RAB3C: variants seen among roughly 807,000 people sequenced by gnomAD.
RAB3C encodes ras-related protein Rab-3C.
A neutral mutation model predicts 26.4 loss-of-function variants in RAB3C; 17 were observed. The observed-to-expected ratio is 0.64, with a 90% confidence interval of 0.44 to 0.97. RAB3C has a LOEUF of 0.97. RAB3C is among the 50% of genes least tolerant of loss of function. The probability of loss-of-function intolerance (pLI) is 0.00; values close to 1 mark genes in which losing one functional copy is unlikely to be tolerated. For missense variants in RAB3C, 242 were observed against 281.9 expected, an observed-to-expected ratio of 0.86 and a Z score of 1.01; for synonymous variants, 91 against 95.9, an observed-to-expected ratio of 0.95 and a Z score of 0.30.
At chr5:58,737,023 C>T (rs1444873404) in intron 3 of RAB3C, among the ~76,000 whole-genome samples, 1 of 152,096 alleles carries the variant, frequency 6.6e-6, no homozygotes, top group Non-Finnish European at 1.5e-5. Flanking sequence ...TGGATTAATG[C>T]CAAAGCCATT....
chr5:58,603,395 C>T (rs1445628939), intron 1 of RAB3C, among the ~76,000 whole-genome samples: 1 of 152,070 alleles, frequency 6.6e-6, no homozygotes, highest in Non-Finnish European at 1.5e-5. Flanking sequence ...CTCAATTATT[C>T]CCCCAAATAT....
intron 3 of RAB3C, among the ~76,000 whole-genome samples, chr5:58,760,014 CT>C (rs1255182188): frequency 6.6e-6 from 1 of 152,194 alleles, no homozygotes; most frequent in Non-Finnish European, 1.5e-5. Flanking sequence ...GCCAAGTGTT[CT>C]TTCCTTCCTC....
chr5:58,652,894 C>T (rs747734934), intron 2 of RAB3C, among the ~76,000 whole-genome samples: 5 of 151,944 alleles, frequency 3.3e-5, no homozygotes, highest in African/African-American at 1.2e-4. Flanking sequence ...TAGAAAAATT[C>T]GATAACTTTC....
intron 2 of RAB3C, among the ~76,000 whole-genome samples, chr5:58,709,239 ATGT>A (rs1405873814): frequency 6.6e-6 from 1 of 152,170 alleles, no homozygotes; most frequent in Non-Finnish European, 1.5e-5. Flanking sequence ...TTAATTTTAC[ATGT>A]TGTTGTCTTT....
At chr5:58,748,427 G>T (rs940403150) in intron 3 of RAB3C, among the ~76,000 whole-genome samples, 2 of 151,992 alleles carry the variant, frequency 1.3e-5, no homozygotes, top group Non-Finnish European at 2.9e-5. Context: ...CTGATTCATT[G>T]TGCATGCAGT....
chr5:58,727,006 C>T (rs1323572437), intron 3 of RAB3C, among the ~76,000 whole-genome samples: 1 of 151,918 alleles, frequency 6.6e-6, no homozygotes. Flanking sequence ...AAATGGAGTT[C>T]CCACTGGTGG....
chr5:58,794,625 T>C (rs1742602816), intron 3 of RAB3C: 1 of 152,204 alleles, frequency 6.6e-6, no homozygotes, highest in South Asian at 2.1e-4. Flanking sequence ...ATCACTGTTT[T>C]TAATTATTTA....
At chr5:58,590,263 A>AT (rs1429806492) in intron 1 of RAB3C, among the ~76,000 whole-genome samples, 1 of 152,178 alleles carries the variant, frequency 6.6e-6, no homozygotes, top group African/African-American at 2.4e-5. Flanking sequence ...TGTTAAAAAC[A>AT]TTTTTAATAC....
At chr5:58,851,033 C>A in intron 4 of RAB3C, 131 bp from the exon 5 acceptor site, 1 of 770,796 alleles carries the variant, frequency 1.3e-6, no homozygotes, top group Non-Finnish European at 2.0e-6. Flanking sequence ...CCTCTAATCT[C>A]TTACCTACCC....
At chr5:58,727,853 G>C (rs1019921147) in intron 3 of RAB3C, among the ~76,000 whole-genome samples, 2 of 151,976 alleles carry the variant, frequency 1.3e-5, no homozygotes, top group African/African-American at 4.8e-5. Context: ...AATGCCTGCT[G>C]AATTAATTAA....
chr5:58,749,635 A>G (rs777534858), intron 3 of RAB3C, among the ~76,000 whole-genome samples: 4 of 152,186 alleles, frequency 2.6e-5, no homozygotes, highest in Non-Finnish European at 5.9e-5. Context: ...CAATTTTTAA[A>G]TATTTGTACA....
At chr5:58,675,272 T>C (rs1437473410) in intron 2 of RAB3C, among the ~76,000 whole-genome samples, 1 of 152,128 alleles carries the variant, frequency 6.6e-6, no homozygotes, top group East Asian at 1.9e-4. Context: ...TGGCGTTGCA[T>C]ATATCTCTAA....
chr5:58,767,521 A>G (rs1741931036), intron 3 of RAB3C, among the ~76,000 whole-genome samples: 2 of 152,262 alleles, frequency 1.3e-5, no homozygotes, highest in South Asian at 4.1e-4. Flanking sequence ...AAGAGAAATA[A>G]TACTGTACCA....
At chr5:58,802,785 A>G (rs766322123) in intron 3 of RAB3C, among the ~76,000 whole-genome samples, 24 of 152,380 alleles carry the variant, frequency 1.6e-4, no homozygotes, top group Non-Finnish European at 2.8e-4. Context: ...AGACCCTACA[A>G]TACAAGGCTA....
chr5:58,652,700 G>GAA (rs36112651), intron 2 of RAB3C, among the ~76,000 whole-genome samples: 1 of 146,346 alleles, frequency 6.8e-6, no homozygotes. Context: ...CTTGATAAAG[G>GAA]AAAAAAAAAA....
At chr5:58,720,297 A>G (rs1740720844) in intron 2 of RAB3C, among the ~76,000 whole-genome samples, 1 of 151,946 alleles carries the variant, frequency 6.6e-6, no homozygotes, top group Non-Finnish European at 1.5e-5. Context: ...AAAATGTACA[A>G]ATATGGTTAG....
At position 58,816,383 on chromosome 5, in the gene RAB3C, G is replaced by C. The variant is rs75313006; in HGVS notation, c.372-8655G>C. ...AACAACCTGAGGAGAAAGGGAGCTG[G>C]GGTATCTATACTCCAACTTCTGTCA... On this transcript the variant is annotated intron_variant, in intron 3 of 4. Coordinates refer to ENST00000282878, the MANE Select transcript of RAB3C (RefSeq NM_138453.4). 8.5e-3 allele frequency among the ~76,000 whole-genome samples: 1,294 copies of C among 152,212 alleles called. 19 individuals are homozygous for C. The highest frequency in any genetic ancestry group is 0.029 in the African/African-American group (1,225 of 41,544).
intron 3 of RAB3C, among the ~76,000 whole-genome samples, chr5:58,810,043 C>T (rs1406235091): frequency 6.6e-6 from 1 of 152,162 alleles, no homozygotes; most frequent in East Asian, 1.9e-4. Context: ...TGTTCCTTGA[C>T]CCACAGGCTG....
chr5:58,838,409 A>G (rs1308060173), intron 4 of RAB3C, among the ~76,000 whole-genome samples: 1 of 150,136 alleles, frequency 6.7e-6, no homozygotes, highest in Non-Finnish European at 1.5e-5. Flanking sequence ...TGTTTCATTC[A>G]TCTTTTATTA....
Sources: allele counts gnomAD v4.1 joint callset (sites outside exome capture counted in the v4.1 genomes callset), GRCh38; gene constraint gnomAD v4.1.1; transcripts MANE v1.5; gene names NCBI Gene and HGNC (gene_info 2026-07-23, HGNC 2026-07-21).